Variants in PARVB observed in about 807,000 individuals in gnomAD.
The protein encoded by PARVB is parvin beta, also known as beta-parvin.
PARVB carries 46 observed loss-of-function variants against 47.0 expected under a neutral mutation model. The observed-to-expected ratio is 0.98, with a 90% CI of 0.77 to 1.25. The LOEUF (loss-of-function observed/expected upper bound fraction) is 1.25. PARVB is among the 50% of genes most tolerant of loss of function. The pLI is 0.00. For synonymous variants in PARVB, 196 were observed against 196.3 expected, an observed-to-expected ratio of 1.00 and a Z score of 0.01; for missense variants, 473 against 471.6, an observed-to-expected ratio of 1.00 and a Z score of -0.03.
intron 2 of PARVB, among the ~76,000 whole-genome samples, chr22:44,011,959 G>A (rs996810085): frequency 2.0e-5 from 3 of 152,194 alleles, no homozygotes; most frequent in African/African-American, 4.8e-5. Flanking sequence ...CAAATGAATG[G>A]CAAAAGAAAT....
chr22:44,072,606 A>G (rs905866449), intron 1 of PARVB, among the ~76,000 whole-genome samples: 1 of 151,816 alleles, frequency 6.6e-6, no homozygotes, highest in Non-Finnish European at 1.5e-5. Flanking sequence ...ATGCCTAGCT[A>G]ATTTTTGTAT....
chr22:44,131,645 G>T lies in PARVB; in HGVS notation c.517+18G>T, dbSNP rs373834149. On this transcript the variant is annotated intron_variant, in intron 5 of 12. Transcript: ENST00000338758. ...CGTGGACTGTGAGTTCCACGCCACA[G>T]GGGGAGGGACTGTCTGGAGGGAGCC... 22 of 1,601,518 alleles carry T rather than the reference G, an allele frequency of 1.4e-5. No individual in the cohort carries two copies. Among genetic ancestry groups the T allele is most frequent in the African/African-American group, 1.2e-4 (9 of 74,586 alleles).
At chr22:44,018,294 T>G (rs1252821455) in intron 2 of PARVB, among the ~76,000 whole-genome samples, 1 of 151,992 alleles carries the variant, frequency 6.6e-6, no homozygotes, top group Non-Finnish European at 1.5e-5. Context: ...CCCAGCTACT[T>G]GGGAGGCTGA....
At chr22:44,111,390 G>A (rs2052692095) in intron 3 of PARVB, 1 of 149,718 alleles carries the variant, frequency 6.7e-6, no homozygotes, top group Non-Finnish European at 1.5e-5. Flanking sequence ...ACACCAGCGG[G>A]TCGGGATTTT....
intron 2 of PARVB, among the ~76,000 whole-genome samples, chr22:44,095,505 T>TGA (rs1555902419): frequency 0.024 from 3,056 of 127,498 alleles, 51 homozygotes; most frequent in Middle Eastern, 0.063. Context: ...CATCTCAAAG[T>TGA]AAAAAAAAAA....
At chr22:44,019,516 G>T (rs564395470), upstream of PARVB, among the ~76,000 whole-genome samples, 1 of 152,208 alleles carries the variant, frequency 6.6e-6, no homozygotes, top group Non-Finnish European at 1.5e-5. Context: ...CACCGTGCCC[G>T]GCTGAAGCTG....
chr22:44,054,623 A>G (rs1444189506), intron 1 of PARVB, among the ~76,000 whole-genome samples: 1 of 152,158 alleles, frequency 6.6e-6, no homozygotes, highest in Non-Finnish European at 1.5e-5. Flanking sequence ...CAAGAAGAAA[A>G]GAGTTTGGCG....
rs982828692 is a variant in PARVB, at chr22:44,050,940, C to T, written c.112+26489C>T. Among the ~76,000 whole-genome samples, 8 of 152,152 alleles carry T rather than the reference C, an allele frequency of 5.3e-5. No individual in the cohort carries two copies. The East Asian group carries it at 9.6e-4, about 18-fold the overall frequency. On this transcript the variant is annotated intron_variant, in intron 1 of 12. Coordinates refer to ENST00000338758, the MANE Select transcript of PARVB (RefSeq NM_013327.5). Reference sequence around the variant, plus strand: ...GGGGATGTGAGCACAGAAGCTGAGGCGGGGGCTGAGCCGGGTGTGTATTTC... The same window carrying T: ...GGGGATGTGAGCACAGAAGCTGAGGTGGGGGCTGAGCCGGGTGTGTATTTC...
intron 9 of PARVB, chr22:44,151,029 C>CAAAAAAAAAAAAAAAAAAAAAAAAA (rs35913551): frequency 3.9e-5 from 2 of 51,670 alleles, no homozygotes; most frequent in Admixed American, 2.7e-4. Flanking sequence ...GAGACTGTCT[C>CAAAAAAAAAAAAAAAAAAAAAAAAA]AAAAAAAAAA....
intron 3 of PARVB, chr22:44,107,471 A>G (rs2052593487): frequency 6.6e-6 from 1 of 152,232 alleles, no homozygotes; most frequent in Non-Finnish European, 1.5e-5. Context: ...CGTAGCGCCT[A>G]AAACCTTTGC....
chr22:44,153,335 T>G (rs1465578844), intron 10 of PARVB: 2 of 152,162 alleles, frequency 1.3e-5, no homozygotes, highest in Non-Finnish European at 1.5e-5. Context: ...TTTTCTTTCT[T>G]TCTTTTTTTT....
chr22:44,037,626 C>T (rs1189632097), intron 1 of PARVB, among the ~76,000 whole-genome samples: 2 of 152,108 alleles, frequency 1.3e-5, no homozygotes, highest in East Asian at 1.9e-4. Flanking sequence ...TAGAGAGGAT[C>T]GAGGTCATCC....
At chr22:44,162,422 A>C (rs1233867341) in intron 11 of PARVB, among the ~76,000 whole-genome samples, 1 of 151,788 alleles carries the variant, frequency 6.6e-6, no homozygotes, top group African/African-American at 2.4e-5. Context: ...CCTGGGTTCA[A>C]GCGATTCTCA....
At chr22:43,999,753 G>A in intron 2 of PARVB, 1 of 936,340 alleles carries the variant, frequency 1.1e-6, no homozygotes, top group Non-Finnish European at 1.7e-6. Flanking sequence ...TAGCACTTTG[G>A]GAGGCTGAGG....
At chr22:44,074,261 C>T (rs1049738336) in intron 1 of PARVB, among the ~76,000 whole-genome samples, 1 of 152,184 alleles carries the variant, frequency 6.6e-6, no homozygotes, top group Non-Finnish European at 1.5e-5. Context: ...TTCTGAGCCC[C>T]TGATCGGTTC....
intron 1 of PARVB, among the ~76,000 whole-genome samples, chr22:44,041,767 TC>T (rs1327783470): frequency 6.6e-6 from 1 of 152,060 alleles, no homozygotes; most frequent in Non-Finnish European, 1.5e-5. Context: ...ATGCCTGTGG[TC>T]CCAGCTACCC....
chr22:44,158,541 C>T (rs1268626114), intron 11 of PARVB, among the ~76,000 whole-genome samples: 3 of 152,228 alleles, frequency 2.0e-5, no homozygotes, highest in Non-Finnish European at 4.4e-5. Flanking sequence ...TATTGTTTTT[C>T]CCTACTGAAA....
chr22:44,097,221 C>T (rs4823189), intron 2 of PARVB, among the ~76,000 whole-genome samples: 93,033 of 152,116 alleles, frequency 0.61, 28,854 homozygotes, highest in East Asian at 0.86. Context: ...GAGTCCTGTT[C>T]CTCAATGCAG....
chr22:44,113,433 C>T (rs2052765154), intron 3 of PARVB: 2 of 65,672 alleles, frequency 3.0e-5, no homozygotes. Flanking sequence ...CTAAATAAGG[C>T]CCTGTACCAA....
Sources: allele counts gnomAD v4.1 joint callset (sites outside exome capture counted in the v4.1 genomes callset), GRCh38; gene constraint gnomAD v4.1.1; transcripts MANE v1.5; gene names NCBI Gene and HGNC (gene_info 2026-07-23, HGNC 2026-07-21).